The following SORT1 variants were observed in gnomAD, a reference collection of about 807,000 sequenced individuals.
SORT1 encodes the protein sortilin.
SORT1 carries 39 observed loss-of-function variants against 101.7 expected under a neutral mutation model. The observed-to-expected ratio is 0.38, with a 90% CI of 0.30 to 0.50. The LOEUF is 0.50. SORT1 is among the 20% of genes least tolerant of loss of function. The pLI, the probability that SORT1 is intolerant of heterozygous loss-of-function variation, is 0.90. For synonymous variants in SORT1, 396 were observed against 393.7 expected (o/e 1.01, Z -0.07); for missense variants, 878 against 1,040.4 (o/e 0.84, Z 2.15).
intron 1 of SORT1, among the ~76,000 whole-genome samples, chr1:109,393,585 G>T (rs1026850056): frequency 3.9e-5 from 6 of 152,124 alleles, no homozygotes; most frequent in Non-Finnish European, 8.8e-5. Flanking sequence ...ATGTACAAAG[G>T]TTATACATGT....
rs1343541092 is a variant in SORT1, at chr1:109,397,596, G to A, written c.297C>T (p.Asn99=). 3 of 1,269,420 alleles carry A rather than the reference G, an allele frequency of 2.4e-6. No homozygotes were observed. Among genetic ancestry groups the A allele is most frequent in the Non-Finnish European group, 3.0e-6 (3 of 994,266 alleles). 78.6% of individuals were successfully genotyped at this position (1,269,420 alleles called of 1,614,324 possible). ...VRDFVAKLAN[N]THQHVFDDLR... Reference sequence around the variant, plus strand: ...CCCGGCGCCCGCTCACCTGGTGCGTGTTGTTGGCCAGCTTGGCGACGAAGT... The same window carrying A: ...CCCGGCGCCCGCTCACCTGGTGCGTATTGTTGGCCAGCTTGGCGACGAAGT... The change falls in exon 1 of 20, where the codon AAC becomes AAT. Residue 99 remains asparagine, a synonymous_variant. Transcript: ENST00000256637.
chr1:109,380,247 G>A lies in SORT1; in HGVS notation c.307-10658C>T, dbSNP rs565918339. 2.4e-4 allele frequency among the ~76,000 whole-genome samples: 37 copies of A among 152,194 alleles called. 1 individual carries two copies. The South Asian group carries it at 7.7e-3, about 32-fold the overall frequency. ...GTTCGAGGCTGTAGTGATCTGTGATGGCACCACTGTACTCCAGCCTGGGTG... is the reference window on the plus strand; with the variant it reads ...GTTCGAGGCTGTAGTGATCTGTGATAGCACCACTGTACTCCAGCCTGGGTG... On this transcript the variant is annotated intron_variant, in intron 1 of 19. Transcript: ENST00000256637.
rs2101521743 is a variant in SORT1, at chr1:109,314,791, A to C, written c.2251-13T>G. 1.3e-6 allele frequency: 2 copies of C among 1,484,108 alleles called. No homozygotes were observed. Among genetic ancestry groups the C allele is most frequent in the East Asian group, 4.5e-5 (2 of 44,216 alleles). 91.9% of individuals were successfully genotyped at this position (1,484,108 alleles called of 1,614,324 possible). The stretch of plus-strand genomic sequence containing the variant: ...TTGACTTGGAATTCTTGAGAAATTA[A>C]AACACAAACACAAAAGTTTTAGGCA... On this transcript the variant is annotated splice_polypyrimidine_tract_variant and intron_variant, in intron 17 of 19. Coordinates refer to ENST00000256637, the MANE Select transcript of SORT1 (RefSeq NM_002959.7).
chr1:109,356,223 A>G (rs1195220189), intron 3 of SORT1, among the ~76,000 whole-genome samples: 5 of 152,350 alleles, frequency 3.3e-5, no homozygotes, highest in Admixed American at 2.6e-4. Flanking sequence ...TACTGGCATT[A>G]AGTGGGTAGT....
intron 1 of SORT1, chr1:109,397,343 TAAA>T (rs775626561): frequency 2.1e-5 from 3 of 143,612 alleles, no homozygotes; most frequent in Non-Finnish European, 4.5e-5. Context: ...TTTGACAACT[TAAA>T]AAAAAAAAAA....
chr1:109,371,554 A>G (rs1322426137), intron 1 of SORT1, among the ~76,000 whole-genome samples: 1 of 152,212 alleles, frequency 6.6e-6, no homozygotes, highest in Non-Finnish European at 1.5e-5. Context: ...GCTGTAAGAT[A>G]TCAGTCTTGA....
At position 109,309,668 on chromosome 1, in the gene SORT1, T is replaced by A. The variant is rs1658602353; in HGVS notation, c.*4375A>T. 6.6e-6 allele frequency: 1 copy of A among 152,224 alleles called. No homozygotes were observed. The highest frequency in any genetic ancestry group is 1.5e-5 in the Non-Finnish European group (1 of 68,026). 9.4% of individuals were successfully genotyped at this position (152,224 alleles called of 1,614,324 possible). Reference sequence around the variant, plus strand: ...ACAAAGTTAAACACATTCAGATTTATTTACACAATGCTAAAGAAATTTGAG... The same window carrying A: ...ACAAAGTTAAACACATTCAGATTTAATTACACAATGCTAAAGAAATTTGAG... On this transcript the variant is annotated 3_prime_UTR_variant, in exon 20 of 20. Transcript: ENST00000256637.
intron 15 of SORT1, among the ~76,000 whole-genome samples, chr1:109,321,830 A>ATT (rs1337504828): frequency 6.6e-6 from 1 of 152,170 alleles, no homozygotes; most frequent in African/African-American, 2.4e-5. Context: ...TTGCCCAAAA[A>ATT]TTACCTCATT....
intron 3 of SORT1, among the ~76,000 whole-genome samples, chr1:109,358,062 T>G (rs183988468): frequency 3.9e-5 from 6 of 152,328 alleles, no homozygotes; most frequent in Admixed American, 3.9e-4. Context: ...CAAGCCTGCT[T>G]GCTTTTTAAG....
At chr1:109,323,224 T>C (rs1254080050) in intron 14 of SORT1, 103 bp from the exon 15 acceptor site, 1 of 771,360 alleles carries the variant, frequency 1.3e-6, no homozygotes, top group East Asian at 2.5e-5. Context: ...AAAGTGGGAA[T>C]GTCTGACTCA....
At chr1:109,378,744 AT>A (rs1652032266) in intron 1 of SORT1, among the ~76,000 whole-genome samples, 5 of 89,624 alleles carry the variant, frequency 5.6e-5, no homozygotes, top group African/African-American at 1.4e-4. Context: ...ATATATATAT[AT>A]ATATATATAT....
At chr1:109,383,260 A>G (rs1652372350) in intron 1 of SORT1, among the ~76,000 whole-genome samples, 1 of 152,154 alleles carries the variant, frequency 6.6e-6, no homozygotes, top group Non-Finnish European at 1.5e-5. Context: ...CCTTTTTGAC[A>G]AGCAAAGAAG....
intron 1 of SORT1, among the ~76,000 whole-genome samples, chr1:109,373,071 G>GA (rs1000678892): frequency 1.0e-4 from 15 of 149,720 alleles, no homozygotes; most frequent in Admixed American, 2.7e-4. Flanking sequence ...GAAAAGAAAA[G>GA]AAAAAAAAAC....
chr1:109,329,601 T>G (rs991587847), intron 11 of SORT1, among the ~76,000 whole-genome samples: 4 of 152,194 alleles, frequency 2.6e-5, no homozygotes, highest in Admixed American at 6.5e-5. Flanking sequence ...AGTAAAAAAC[T>G]ATCACAAGGG....
chr1:109,358,004 T>C (rs907963417), intron 3 of SORT1, among the ~76,000 whole-genome samples: 12 of 152,180 alleles, frequency 7.9e-5, no homozygotes, highest in Non-Finnish European at 1.3e-4. Flanking sequence ...AGTTTACAAA[T>C]TGGTCCTCCT....
chr1:109,357,060 G>A (rs1650372763), intron 3 of SORT1, among the ~76,000 whole-genome samples: 1 of 152,200 alleles, frequency 6.6e-6, no homozygotes, highest in Non-Finnish European at 1.5e-5. Context: ...GGTGAGTCCA[G>A]ATTATGAAAC....
intron 14 of SORT1, among the ~76,000 whole-genome samples, chr1:109,324,368 C>G (rs1647843612): frequency 6.6e-6 from 1 of 152,148 alleles, no homozygotes; most frequent in South Asian, 2.1e-4. Flanking sequence ...GAACTCCTGA[C>G]CTCGTGATCT....
intron 3 of SORT1, among the ~76,000 whole-genome samples, 176 bp from the exon 4 acceptor site, chr1:109,355,645 G>A (rs12027996): frequency 8.8e-5 from 8 of 90,400 alleles, no homozygotes; most frequent in Non-Finnish European, 8.9e-5. Flanking sequence ...CATTCCACCC[G>A]CCCCCCCCCC....
chr1:109,320,085 T>C (rs1327045485), intron 15 of SORT1, among the ~76,000 whole-genome samples: 1 of 152,082 alleles, frequency 6.6e-6, no homozygotes, highest in East Asian at 1.9e-4. Context: ...CTTGCTCTTC[T>C]TTCTTCCTAA....
Sources: gnomAD v4.1 joint callset for allele counts (sites outside exome capture counted in the v4.1 genomes callset) on GRCh38, gnomAD v4.1.1 for gene constraint, MANE v1.5 for transcripts, NCBI Gene and HGNC (gene_info 2026-07-23, HGNC 2026-07-21) for gene names.